The following CRISP1 variants were observed in gnomAD, a reference collection of about 807,000 sequenced individuals.
The protein encoded by CRISP1 is cysteine-rich secretory protein 1.
Under a neutral mutation model 33.1 loss-of-function variants are expected in CRISP1, and 44 were observed. The observed-to-expected ratio is 1.33, with a 90% confidence interval of 1.05 to 1.71. CRISP1 has a LOEUF of 1.71. CRISP1 is among the 40% of genes most tolerant of loss of function. The pLI is 0.00. For synonymous variants in CRISP1, 103 were observed against 98.7 expected, an observed-to-expected ratio of 1.04 and a Z score of -0.26; for missense variants, 390 against 301.2, an observed-to-expected ratio of 1.29 and a Z score of -2.18.
intron 3 of CRISP1, 50 bp from the exon 4 acceptor site, chr6:49,848,349 A>C: frequency 1.8e-6 from 2 of 1,102,518 alleles, no homozygotes; most frequent in Non-Finnish European, 1.3e-6. Context: ...TATTTTCATA[A>C]GATTCTAATT....
intron 1 of CRISP1, among the ~76,000 whole-genome samples, chr6:49,864,957 A>ATG (rs150504313): frequency 0.035 from 5,342 of 152,182 alleles, 312 homozygotes; most frequent in African/African-American, 0.12. Context: ...ATGTGTTGGC[A>ATG]TGTGTGTGTT....
At chr6:49,854,408 G>A (rs2127474818) in intron 2 of CRISP1, among the ~76,000 whole-genome samples, 1 of 152,168 alleles carries the variant, frequency 6.6e-6, no homozygotes, top group East Asian at 1.9e-4. Flanking sequence ...TCACTCTGCT[G>A]CCAGGCTGGA....
At chr6:49,836,361 A>T (rs1177238725) in intron 7 of CRISP1, among the ~76,000 whole-genome samples, 1 of 148,718 alleles carries the variant, frequency 6.7e-6, no homozygotes, top group East Asian at 2.0e-4. Context: ...TTTGAGACGG[A>T]GTCTCGCTCT....
intron 1 of CRISP1, among the ~76,000 whole-genome samples, chr6:49,873,217 A>G (rs1002896826): frequency 6.6e-6 from 1 of 152,078 alleles, no homozygotes; most frequent in Non-Finnish European, 1.5e-5. Context: ...ATAAGCCAGA[A>G]AAACCTAATT....
intron 7 of CRISP1, 127 bp from the exon 8 acceptor site, chr6:49,835,570 C>T: frequency 3.5e-6 from 3 of 851,206 alleles, no homozygotes; most frequent in Non-Finnish European, 5.3e-6. Context: ...ATTTAATTAG[C>T]ATAAGCTAAC....
At chr6:49,872,657 A>C (rs1771952120) in intron 1 of CRISP1, among the ~76,000 whole-genome samples, 1 of 152,156 alleles carries the variant, frequency 6.6e-6, no homozygotes, top group Non-Finnish European at 1.5e-5. Context: ...TTAAATAGGG[A>C]ATCGTTTCCC....
At position 49,846,666 on chromosome 6, in the gene CRISP1, T is replaced by C. The variant is rs3209304; in HGVS notation, c.289A>G (p.Thr97Ala). 207,490 of 1,611,610 alleles carry C rather than the reference T, an allele frequency of 0.13. 15,373 individuals carry two copies. Among genetic ancestry groups the C allele is most frequent in the Non-Finnish European group, 0.15 (178,672 of 1,178,154 alleles). The change falls in exon 5 of 8, where the codon ACC becomes GCC. Residue 97 changes from threonine (T) to alanine (A), a missense_variant and splice_region_variant. Physicochemically the swap from Thr to Ala is moderately conservative, Grantham distance 58. Coordinates refer to ENST00000335847, the MANE Select transcript of CRISP1 (RefSeq NM_001131.3). ...SNPLERRLPNTFCGENMHMTS... is the reference protein window; with the variant it reads ...SNPLERRLPNAFCGENMHMTS... ...ATATGCATATTTTCTCCACAAAAGGTATCTGAAATGAGAAAACGGGCTGGG... is the reference window on the plus strand; with the variant it reads ...ATATGCATATTTTCTCCACAAAAGGCATCTGAAATGAGAAAACGGGCTGGG...
At chr6:49,867,226 A>T (rs1771819992), upstream of CRISP1, among the ~76,000 whole-genome samples, 1 of 152,128 alleles carries the variant, frequency 6.6e-6, no homozygotes, top group African/African-American at 2.4e-5. Context: ...AAGAAATATC[A>T]CACAGACAGA....
chr6:49,843,693 C>T (rs952856892), intron 5 of CRISP1, among the ~76,000 whole-genome samples: 1 of 152,116 alleles, frequency 6.6e-6, no homozygotes. Context: ...CAACAAATAC[C>T]TAAAAATGTG....
Position 49,857,373 on chromosome 6 carries a change from C to A in CRISP1, c.28G>T (p.Val10Phe). MEIKHLLFLVAAACLLPMLS... is the reference protein window; with the variant it reads MEIKHLLFLFAAACLLPMLS... ...ATAGGCAGTAAGCAAGCAGCAGCAA[C>A]CAAAAACAAGAGGTGTTTAATTTCC... Residue 10 changes from valine to phenylalanine, a missense_variant, in exon 2 of 8, where the codon GTT becomes TTT. Coordinates refer to ENST00000335847, the MANE Select transcript of CRISP1 (RefSeq NM_001131.3). The A allele has an allele frequency of 6.2e-7, 1 of 1,612,796 alleles. No individual in the cohort carries two copies. Among genetic ancestry groups the A allele is most frequent in the South Asian group, 1.1e-5 (1 of 91,038 alleles).
chr6:49,866,483 A>G lies in CRISP1; in HGVS notation c.-57T>C, dbSNP rs993667595. 5.3e-5 allele frequency: 8 copies of G among 152,096 alleles called. No individual in the cohort carries two copies. Among genetic ancestry groups the G allele is most frequent in the African/African-American group, 1.9e-4 (8 of 41,424 alleles). 9.4% of individuals were successfully genotyped at this position (152,096 alleles called of 1,614,324 possible). ...CCTGATAAGAACCAAGCCTTTCTCT[A>G]TGTAGTGTATTTGTGCTTTTAAATG... On this transcript the variant is annotated 5_prime_UTR_variant, in exon 1 of 8. Coordinates refer to ENST00000335847, the MANE Select transcript of CRISP1 (RefSeq NM_001131.3).
chr6:49,858,003 TA>T (rs1167709659), intron 1 of CRISP1, among the ~76,000 whole-genome samples: 38 of 152,302 alleles, frequency 2.5e-4, no homozygotes, highest in African/African-American at 9.1e-4. Context: ...AGTAGGATAA[TA>T]AACCTGTATT....
chr6:49,847,034 T>C (rs74501601), intron 4 of CRISP1, among the ~76,000 whole-genome samples: 4 of 152,234 alleles, frequency 2.6e-5, no homozygotes, highest in South Asian at 2.1e-4. Context: ...AATACAAAGA[T>C]GTTGAATAAA....
chr6:49,863,229 C>G (rs1345318409), intron 1 of CRISP1, among the ~76,000 whole-genome samples: 2 of 152,138 alleles, frequency 1.3e-5, no homozygotes, highest in Non-Finnish European at 2.9e-5. Flanking sequence ...GTAAAAGACC[C>G]TGTAGATCCA....
chr6:49,868,480 C>A (rs558538751), upstream of CRISP1, among the ~76,000 whole-genome samples: 14 of 152,170 alleles, frequency 9.2e-5, no homozygotes, highest in East Asian at 2.5e-3. Flanking sequence ...TGAATATATC[C>A]ATTTTTAAAA....
intron 7 of CRISP1, among the ~76,000 whole-genome samples, chr6:49,838,144 A>C (rs1770864359): frequency 6.6e-6 from 1 of 151,318 alleles, no homozygotes; most frequent in Non-Finnish European, 1.5e-5. Context: ...AGAGCAGAGA[A>C]AAATCTACAC....
chr6:49,876,595 A>G (rs1293921318), intron 1 of CRISP1, among the ~76,000 whole-genome samples: 1 of 151,936 alleles, frequency 6.6e-6, no homozygotes, highest in Non-Finnish European at 1.5e-5. Context: ...GTGTGTTCAC[A>G]GCAGCACTAT....
upstream of CRISP1, among the ~76,000 whole-genome samples, chr6:49,868,458 A>G (rs1339769621): frequency 6.6e-6 from 1 of 152,194 alleles, no homozygotes; most frequent in Non-Finnish European, 1.5e-5. Context: ...TTACAATCAC[A>G]TCATGTTTGT....
intron 3 of CRISP1, among the ~76,000 whole-genome samples, chr6:49,848,905 CA>C (rs564253259): frequency 1.4e-4 from 20 of 147,884 alleles, no homozygotes; most frequent in South Asian, 4.3e-4. Flanking sequence ...GGCAACTCTA[CA>C]AAAAAAAAAT....
Sources: allele counts gnomAD v4.1 joint callset (sites outside exome capture counted in the v4.1 genomes callset), GRCh38; gene constraint gnomAD v4.1.1; transcripts MANE v1.5; gene names NCBI Gene and HGNC (gene_info 2026-07-23, HGNC 2026-07-21).